EPN2: variants seen among roughly 807,000 people sequenced by gnomAD.
EPN2 encodes the protein epsin-2.
In EPN2, 34 loss-of-function variants were observed where a neutral mutation model predicts 61.7. That is an observed-to-expected ratio of 0.55 (90% CI 0.42 to 0.73). The LOEUF (loss-of-function observed/expected upper bound fraction) is 0.73. EPN2 is among the 30% of genes least tolerant of loss of function. The probability of loss-of-function intolerance (pLI) is 0.00; values close to 1 mark genes in which losing one functional copy is unlikely to be tolerated. For missense variants in EPN2, 714 were observed against 839.2 expected, an observed-to-expected ratio of 0.85 and a Z score of 1.84; for synonymous variants, 349 against 353.6, an observed-to-expected ratio of 0.99 and a Z score of 0.15.
intron 1 of EPN2, among the ~76,000 whole-genome samples, chr17:19,258,681 G>T (rs1203886657): frequency 6.6e-6 from 1 of 152,236 alleles, no homozygotes; most frequent in Non-Finnish European, 1.5e-5. Flanking sequence ...GGTCTAGCCA[G>T]TGTCTAGTAA....
At chr17:19,303,976 G>C (rs1905678842) in intron 4 of EPN2, 1 of 152,222 alleles carries the variant, frequency 6.6e-6, no homozygotes, top group Non-Finnish European at 1.5e-5. Context: ...GGTGGTGCGT[G>C]CCTGTAGTCC....
intron 4 of EPN2, among the ~76,000 whole-genome samples, chr17:19,304,622 G>A (rs938567074): frequency 2.6e-5 from 4 of 152,346 alleles, no homozygotes; most frequent in Admixed American, 6.5e-5. Context: ...GGAATCCACA[G>A]GGAAGAGCCA....
intron 4 of EPN2, among the ~76,000 whole-genome samples, chr17:19,300,710 G>T (rs1294353714): frequency 6.6e-6 from 1 of 152,164 alleles, no homozygotes; most frequent in African/African-American, 2.4e-5. Context: ...TTACAGGCAT[G>T]AGCCACCGGC....
intron 7 of EPN2, among the ~76,000 whole-genome samples, chr17:19,317,017 A>C (rs772696270): frequency 7.9e-5 from 12 of 152,206 alleles, no homozygotes; most frequent in Non-Finnish European, 1.6e-4. Flanking sequence ...ATTGTTTAGC[A>C]TCTAGTTAAA....
chr17:19,257,117 GT>G (rs2045088741), intron 1 of EPN2, among the ~76,000 whole-genome samples: 3 of 152,182 alleles, frequency 2.0e-5, no homozygotes, highest in Non-Finnish European at 4.4e-5. Context: ...GAAGAAAAAT[GT>G]TTCTTTAAGC....
Position 19,334,134 on chromosome 17 carries a change from G to A in EPN2, c.1806G>A (p.Leu602=). ...CCTCCGCGGCCCCACAGCCAGCTCT[G>A]GGGGCCACTGGTTCCTCTCTGACAC... The part of the protein sequence containing the change: ...SMTSAAPQPA[L]GATGSSLTPL... Residue 602 remains leucine, a synonymous_variant, in exon 11 of 11, where the codon CTG becomes CTA. Transcript: ENST00000314728. This position sits in a 1 kb window ranked among gnomAD's most constrained non-coding sequence, Gnocchi z 4.9. 1.7e-5 allele frequency: 27 copies of A among 1,605,466 alleles called. No homozygotes were observed. The highest frequency in any genetic ancestry group is 2.2e-5 in the Non-Finnish European group (26 of 1,175,734).
At chr17:19,316,970 C>A (rs1202069643) in intron 7 of EPN2, among the ~76,000 whole-genome samples, 4 of 152,246 alleles carry the variant, frequency 2.6e-5, no homozygotes, top group African/African-American at 9.6e-5. Context: ...CACATTCCAT[C>A]AGCGTAGCCT....
At chr17:19,275,167 G>C (rs2045293654) in intron 1 of EPN2, among the ~76,000 whole-genome samples, 2 of 152,162 alleles carry the variant, frequency 1.3e-5, no homozygotes, top group Non-Finnish European at 2.9e-5. Flanking sequence ...GTGGCTGGGG[G>C]GAGCCTGACT....
intron 4 of EPN2, among the ~76,000 whole-genome samples, chr17:19,305,204 C>T (rs890410588): frequency 6.6e-6 from 1 of 151,854 alleles, no homozygotes; most frequent in Non-Finnish European, 1.5e-5. Flanking sequence ...TCGCTGCAAC[C>T]TCCACCTGCT....
intron 1 of EPN2, among the ~76,000 whole-genome samples, chr17:19,257,187 C>T (rs2045089378): frequency 6.6e-6 from 1 of 151,910 alleles, no homozygotes; most frequent in South Asian, 2.1e-4. Context: ...TTTCATTTAG[C>T]TATTTTGTCT....
intron 4 of EPN2, among the ~76,000 whole-genome samples, chr17:19,299,058 C>T (rs1471731941): frequency 1.3e-5 from 2 of 152,072 alleles, no homozygotes; most frequent in Non-Finnish European, 2.9e-5. Flanking sequence ...AAATGTTTTC[C>T]AAACAGACTG....
intron 5 of EPN2, among the ~76,000 whole-genome samples, chr17:19,310,551 TTCTC>T (rs988176721): frequency 6.6e-5 from 10 of 150,790 alleles, no homozygotes; most frequent in South Asian, 2.1e-4. Flanking sequence ...TTTCTTTTCT[TTCTC>T]TCTTTCTCCT....
At chr17:19,284,825 G>A (rs1241686231) in intron 3 of EPN2, among the ~76,000 whole-genome samples, 2 of 152,174 alleles carry the variant, frequency 1.3e-5, no homozygotes, top group Admixed American at 1.3e-4. Flanking sequence ...CAGATTTCCT[G>A]CTTCTAGGAA....
At chr17:19,238,434 C>T (rs138042861) in intron 1 of EPN2, among the ~76,000 whole-genome samples, 1 of 152,314 alleles carries the variant, frequency 6.6e-6, no homozygotes, top group African/African-American at 2.4e-5. Context: ...CTTGAGCTCC[C>T]TGTGAATCCC....
rs571234092 is a variant in EPN2 at position 19,305,379 on chromosome 17, T to A, written c.767-4506T>A. 6.3e-4 allele frequency among the ~76,000 whole-genome samples: 96 copies of A among 152,266 alleles called. 2 individuals are homozygous for A. Among genetic ancestry groups the A allele is most frequent in the African/African-American group, 2.1e-3 (88 of 41,566 alleles). Reference sequence around the variant, plus strand: ...CTCAAGTGATCCACCCCCTTCGGTCTCCCAAAGTGCTGTGACATCATTACA... The same window carrying A: ...CTCAAGTGATCCACCCCCTTCGGTCACCCAAAGTGCTGTGACATCATTACA... On this transcript the variant is annotated intron_variant, in intron 4 of 10. Transcript: ENST00000314728.
chr17:19,246,211 A>G (rs1246687814), intron 1 of EPN2, among the ~76,000 whole-genome samples: 1 of 151,864 alleles, frequency 6.6e-6, no homozygotes, highest in Non-Finnish European at 1.5e-5. Flanking sequence ...TACAAAAATT[A>G]GCTGGGCGTG....
chr17:19,318,581 TTTC>T (rs1185751432), intron 7 of EPN2, among the ~76,000 whole-genome samples: 1 of 79,024 alleles, frequency 1.3e-5, no homozygotes, highest in East Asian at 2.2e-4. Flanking sequence ...TAGGGGGTTC[TTTC>T]TGAGCCAAAA....
intron 1 of EPN2, among the ~76,000 whole-genome samples, chr17:19,275,909 G>A (rs2045300980): frequency 6.6e-6 from 1 of 152,158 alleles, no homozygotes; most frequent in South Asian, 2.1e-4. Context: ...CAGAAGGCCT[G>A]ACAATTTCTG....
rs879732413 is a variant in EPN2 at position 19,308,437 on chromosome 17, C to T, written c.767-1448C>T. On this transcript the variant is annotated intron_variant, in intron 4 of 10. Transcript: ENST00000314728. Reference sequence around the variant, plus strand: ...TTGAATTCTGTAGTTGTCCATCTGTCGACCTGTGCATGCACCTGTCTGTGC... The same window carrying T: ...TTGAATTCTGTAGTTGTCCATCTGTTGACCTGTGCATGCACCTGTCTGTGC... 44 of 985,258 alleles carry T rather than the reference C, an allele frequency of 4.5e-5. No homozygotes were observed. In the Admixed American group the frequency reaches 2.2e-3, roughly 50 times the overall value. The allele number at this position is 985,258 out of a possible 1,614,324, so 61.0% of individuals were successfully genotyped here.
Sources: gnomAD v4.1 joint callset for allele counts (sites outside exome capture counted in the v4.1 genomes callset) on GRCh38, gnomAD v4.1.1 for gene constraint, Gnocchi (gnomAD v3.1) non-coding constraint, MANE v1.5 for transcripts, NCBI Gene and HGNC (gene_info 2026-07-23, HGNC 2026-07-21) for gene names.